The following TENM2 variants were observed in gnomAD, a reference collection of about 807,000 sequenced individuals.
TENM2 encodes the protein teneurin-2.
TENM2 carries 52 observed loss-of-function variants against 245.2 expected under a neutral mutation model. That is an observed-to-expected ratio of 0.21 (90% confidence interval 0.17 to 0.27). The LOEUF (loss-of-function observed/expected upper bound fraction) is 0.27, where lower values mean the gene tolerates loss of function less well. Ranked by LOEUF, TENM2 falls within the 10% of genes least tolerant of loss-of-function variation. TENM2 has a pLI of 1.00. For missense variants in TENM2, 3,046 were observed against 3,666.8 expected (o/e 0.83, Z 4.37); for synonymous variants, 1,363 against 1,438.9 (o/e 0.95, Z 1.19).
intron 7 of TENM2, 105 bp from the exon 10 acceptor site, chr5:168,090,469 A>T (rs972078284): frequency 1.0e-6 from 1 of 966,784 alleles, no homozygotes; most frequent in Admixed American, 2.9e-5. Flanking sequence ...ATGTGCTACA[A>T]AAAAGGTCTT....
intron 2 of TENM2, among the ~76,000 whole-genome samples, chr5:167,743,082 A>T (rs1761304531): frequency 6.6e-6 from 1 of 152,158 alleles, no homozygotes; most frequent in Non-Finnish European, 1.5e-5. Context: ...TCAACACCGA[A>T]CAAAACAACA....
chr5:167,268,313 T>C, the TENM2 span, among the ~76,000 whole-genome samples: 1 of 152,176 alleles, frequency 6.6e-6, no homozygotes, highest in African/African-American at 2.4e-5. Context: ...TTTCAAACTA[T>C]TGTCACAAGA....
At chr5:168,107,096 G>T (rs565594068) in intron 9 of TENM2, among the ~76,000 whole-genome samples, 1 of 152,202 alleles carries the variant, frequency 6.6e-6, no homozygotes, top group East Asian at 1.9e-4. Flanking sequence ...TGACCTCAGA[G>T]CCTGATGCTG....
chr5:168,033,207 A>G (rs1472978959), intron 5 of TENM2: 3 of 152,216 alleles, frequency 2.0e-5, no homozygotes, highest in African/African-American at 7.2e-5. Flanking sequence ...ACAAGTGCTA[A>G]AAAGGAGACT....
chr5:167,751,694 T>C (rs1440557592), intron 2 of TENM2, among the ~76,000 whole-genome samples: 3 of 152,178 alleles, frequency 2.0e-5, no homozygotes, highest in Non-Finnish European at 4.4e-5. Context: ...TCCAGATTAA[T>C]AAATTGCTTT....
intron 4 of TENM2, among the ~76,000 whole-genome samples, chr5:167,971,250 C>T (rs1781754521): frequency 1.7e-5 from 2 of 116,996 alleles, no homozygotes; most frequent in Non-Finnish European, 3.4e-5. Context: ...TAAAGGGAGG[C>T]AGAGAGAGAG....
At chr5:167,696,678 G>T (rs1253815663) in intron 2 of TENM2, among the ~76,000 whole-genome samples, 1 of 152,172 alleles carries the variant, frequency 6.6e-6, no homozygotes, top group Admixed American at 6.5e-5. Flanking sequence ...TTTCTACACG[G>T]GAATGACCAG....
At chr5:167,969,286 A>C (rs1781597002) in intron 4 of TENM2, among the ~76,000 whole-genome samples, 1 of 152,096 alleles carries the variant, frequency 6.6e-6, no homozygotes, top group Non-Finnish European at 1.5e-5. Context: ...TTCTCGTGGT[A>C]GTGAATAAGT....
Position 167,484,259 on chromosome 5 carries a change from C to T in TENM2, c.502+108786C>T, listed in dbSNP as rs549570155. ...ACTCGGGAGGCTGAGGCAGGAGAAT[C>T]GCTTGAACCCCTTATTACCTCAGAA... On this transcript the variant is annotated intron_variant, in intron 2 of 28. Coordinates refer to ENST00000518659, the Ensembl canonical transcript of TENM2. Among the ~76,000 whole-genome samples the T allele has an allele frequency of 3.3e-5, 5 of 152,224 alleles. No individual in the cohort carries two copies. In the South Asian group the frequency reaches 6.2e-4, roughly 19 times the overall value.
At chr5:167,360,651 T>C (rs1759658822) in intron 1 of TENM2, among the ~76,000 whole-genome samples, 1 of 152,232 alleles carries the variant, frequency 6.6e-6, no homozygotes, top group African/African-American at 2.4e-5. Flanking sequence ...CTGTTTCTAC[T>C]ACAATTATTA....
chr5:167,641,883 C>T (rs149630273), intron 2 of TENM2, among the ~76,000 whole-genome samples: 5 of 152,266 alleles, frequency 3.3e-5, no homozygotes, highest in Non-Finnish European at 4.4e-5. Context: ...TGGCTCATGC[C>T]TGTAATCCTA....
chr5:167,101,851 A>T, the TENM2 span, among the ~76,000 whole-genome samples: 81 of 107,788 alleles, frequency 7.5e-4, 2 homozygotes, highest in Non-Finnish European at 9.8e-4. Context: ...ATATATATTT[A>T]TATATATATA....
chr5:167,312,913 T>G (rs1396818371), intron 1 of TENM2, among the ~76,000 whole-genome samples: 1 of 110,302 alleles, frequency 9.1e-6, no homozygotes, highest in East Asian at 2.1e-4. Context: ...GACTCTTTTT[T>G]TTTTTTTTAA....
chr5:168,151,267 A>AT (rs1467993975), intron 12 of TENM2, among the ~76,000 whole-genome samples: 1 of 152,038 alleles, frequency 6.6e-6, no homozygotes, highest in African/African-American at 2.4e-5. Context: ...AAATTACCTC[A>AT]TTTTTCTCAT....
At chr5:168,040,969 A>G (rs1788135309) in intron 5 of TENM2, among the ~76,000 whole-genome samples, 1 of 152,242 alleles carries the variant, frequency 6.6e-6, no homozygotes, top group African/African-American at 2.4e-5. Flanking sequence ...CGTAGAGACT[A>G]ATGGCTGCTT....
chr5:167,064,006 G>C, the TENM2 span, among the ~76,000 whole-genome samples: 2 of 152,166 alleles, frequency 1.3e-5, no homozygotes, highest in Non-Finnish European at 2.9e-5. Flanking sequence ...GAGATCAAAC[G>C]TTGGGAGTCT....
chr5:168,149,591 C>T (rs1033866370), intron 12 of TENM2: 3 of 429,682 alleles, frequency 7.0e-6, no homozygotes, highest in African/African-American at 6.0e-5. Flanking sequence ...CCCAAGCCTC[C>T]ACCCTGGCTT....
chr5:167,837,822 A>G (rs1376855974), intron 2 of TENM2, among the ~76,000 whole-genome samples: 1 of 150,242 alleles, frequency 6.7e-6, no homozygotes, highest in Non-Finnish European at 1.5e-5. Flanking sequence ...TTTTTCTGCC[A>G]CCTTCACGCT....
chr5:167,263,426 C>T, the TENM2 span, among the ~76,000 whole-genome samples: 1 of 152,158 alleles, frequency 6.6e-6, no homozygotes, highest in Non-Finnish European at 1.5e-5. Context: ...CTGCTCCTTC[C>T]ACCCCAGTGA....
Sources: allele counts gnomAD v4.1 joint callset (sites outside exome capture counted in the v4.1 genomes callset), GRCh38; gene constraint gnomAD v4.1.1; transcripts MANE v1.5; gene names NCBI Gene and HGNC (gene_info 2026-07-23, HGNC 2026-07-21).